Variants in PTPRD observed in about 807,000 individuals in gnomAD.
PTPRD encodes receptor-type tyrosine-protein phosphatase delta.
Under a neutral mutation model 214.5 loss-of-function variants are expected in PTPRD, and 34 were observed. The ratio of observed to expected loss-of-function variants is 0.16; its 90% CI spans 0.12 to 0.21. PTPRD has a LOEUF of 0.21. Ranked by LOEUF, PTPRD falls within the 10% of genes least tolerant of loss-of-function variation. The pLI, the probability that PTPRD is intolerant of heterozygous loss-of-function variation, is 1.00. For synonymous variants in PTPRD, 1,128 were observed against 845.7 expected (o/e 1.33, Z -5.79); for missense variants, 2,545 against 2,398.7 (o/e 1.06, Z -1.27).
At chr9:9,480,420 T>C (rs1268143630) in intron 8 of PTPRD, among the ~76,000 whole-genome samples, 1 of 152,108 alleles carries the variant, frequency 6.6e-6, no homozygotes, top group Non-Finnish European at 1.5e-5. Flanking sequence ...TATAAAAGAA[T>C]TTTCTTCCAG....
At chr9:10,192,868 T>C (rs1039808403) in intron 3 of PTPRD, among the ~76,000 whole-genome samples, 3 of 152,234 alleles carry the variant, frequency 2.0e-5, no homozygotes, top group Non-Finnish European at 4.4e-5. Flanking sequence ...TCTACACTTA[T>C]GATTCTAAGA....
intron 14 of PTPRD, among the ~76,000 whole-genome samples, chr9:8,590,352 G>A (rs2154263443): frequency 1.3e-5 from 2 of 152,186 alleles, no homozygotes; most frequent in South Asian, 2.1e-4. Context: ...GTCTTCCAAG[G>A]TATTTTATTT....
At chr9:9,899,547 G>C (rs917203557) in intron 5 of PTPRD, among the ~76,000 whole-genome samples, 1 of 151,986 alleles carries the variant, frequency 6.6e-6, no homozygotes, top group African/African-American at 2.4e-5. Flanking sequence ...AAAGATGAAA[G>C]ATAACCAGTG....
At chr9:9,422,104 GT>G (rs1569568183) in intron 8 of PTPRD, among the ~76,000 whole-genome samples, 1 of 152,114 alleles carries the variant, frequency 6.6e-6, no homozygotes, top group East Asian at 1.9e-4. Flanking sequence ...TTTTGAGTGT[GT>G]ACTGTGTGAT....
chr9:10,194,670 C>T (rs1387393195), intron 3 of PTPRD, among the ~76,000 whole-genome samples: 1 of 59,446 alleles, frequency 1.7e-5, no homozygotes. Flanking sequence ...AAAAATACTT[C>T]CCACACAATT....
intron 7 of PTPRD, among the ~76,000 whole-genome samples, chr9:9,617,408 G>T (rs1483569408): frequency 6.6e-6 from 1 of 152,164 alleles, no homozygotes; most frequent in Admixed American, 6.5e-5. Context: ...GACAATTAGA[G>T]TAAAGTATAT....
At chr9:9,331,936 T>C (rs958962114) in intron 9 of PTPRD, among the ~76,000 whole-genome samples, 1 of 152,064 alleles carries the variant, frequency 6.6e-6, no homozygotes, top group African/African-American at 2.4e-5. Context: ...GGAAAATTAA[T>C]GTGACCTAGA....
chr9:9,590,586 T>A (rs74319816), intron 7 of PTPRD, among the ~76,000 whole-genome samples: 5,044 of 152,108 alleles, frequency 0.033, 235 homozygotes, highest in African/African-American at 0.11. Flanking sequence ...ATGTAATTTT[T>A]AAAATAGAAA....
intron 10 of PTPRD, among the ~76,000 whole-genome samples, chr9:9,087,551 G>C (rs1303519244): frequency 6.6e-6 from 1 of 152,102 alleles, no homozygotes; most frequent in Non-Finnish European, 1.5e-5. Flanking sequence ...GAAACATACA[G>C]AGAAGTGATT....
At position 9,429,773 on chromosome 9, in the gene PTPRD, T is replaced by C. The variant is rs1420024219; in HGVS notation, c.-236-32291A>G. Among the ~76,000 whole-genome samples the C allele has an allele frequency of 3.3e-5, 5 of 152,004 alleles. No homozygotes were observed. The East Asian group carries it at 7.7e-4, about 23-fold the overall frequency. On this transcript the variant is annotated intron_variant, in intron 8 of 45. Coordinates refer to ENST00000381196, the MANE Select transcript of PTPRD (RefSeq NM_002839.4). ...TACATAAATCAATAAACATAATCCA[T>C]CATACGAACAGAACCCAAGACAAAA...
At chr9:8,787,116 A>G (rs562482155) in intron 11 of PTPRD, among the ~76,000 whole-genome samples, 2 of 152,250 alleles carry the variant, frequency 1.3e-5, no homozygotes, top group South Asian at 4.1e-4. Context: ...AATTACAGAC[A>G]TGAGCCACTA....
chr9:10,241,998 G>T (rs924163172), intron 3 of PTPRD, among the ~76,000 whole-genome samples: 1 of 151,846 alleles, frequency 6.6e-6, no homozygotes. Context: ...TAAACAACAC[G>T]CTGTTTTCAT....
chr9:9,261,117 C>G (rs1296203637), intron 9 of PTPRD, among the ~76,000 whole-genome samples: 1 of 151,756 alleles, frequency 6.6e-6, no homozygotes, highest in African/African-American at 2.4e-5. Context: ...ATCATACCAC[C>G]AACAAGGATG....
chr9:9,855,402 A>G (rs1369677160), intron 5 of PTPRD, among the ~76,000 whole-genome samples: 3 of 152,168 alleles, frequency 2.0e-5, no homozygotes, highest in Admixed American at 6.5e-5. Context: ...GGCTCTCTCT[A>G]CTTTGCCACA....
chr9:8,924,015 T>A (rs965686376), intron 11 of PTPRD, among the ~76,000 whole-genome samples: 1 of 152,210 alleles, frequency 6.6e-6, no homozygotes. Flanking sequence ...CCATTATCAT[T>A]TACAAAAAGA....
intron 11 of PTPRD, among the ~76,000 whole-genome samples, chr9:8,812,084 C>T (rs1054933179): frequency 5.3e-5 from 8 of 152,126 alleles, no homozygotes; most frequent in African/African-American, 1.9e-4. Flanking sequence ...GCTGCATGTT[C>T]CTATCCTACA....
chr9:10,010,900 A>C (rs982306603), intron 4 of PTPRD, among the ~76,000 whole-genome samples: 6 of 151,944 alleles, frequency 3.9e-5, no homozygotes, highest in Admixed American at 1.3e-4. Context: ...AAGAAAAAAA[A>C]ATCTAGGTAA....
intron 3 of PTPRD, among the ~76,000 whole-genome samples, chr9:10,131,434 A>G (rs1222066362): frequency 6.6e-6 from 1 of 152,162 alleles, no homozygotes; most frequent in Non-Finnish European, 1.5e-5. Context: ...CTTAACAAAT[A>G]TTGTTTATTA....
chr9:8,899,597 T>C lies in PTPRD; in HGVS notation c.-104+119100A>G, dbSNP rs913831387. Among the ~76,000 whole-genome samples the C allele has an allele frequency of 2.6e-5, 4 of 152,178 alleles. No homozygotes were observed. In the East Asian group the frequency reaches 5.8e-4, roughly 22 times the overall value. On this transcript the variant is annotated intron_variant, in intron 11 of 45. Transcript: ENST00000381196. ...CATCCTGCAAGTGGTAGCTGTTTCA[T>C]GGCAAGGAGCAGTTGTGGGAAGGTT...
Sources: allele counts gnomAD v4.1 joint callset (sites outside exome capture counted in the v4.1 genomes callset), GRCh38; gene constraint gnomAD v4.1.1; transcripts MANE v1.5; gene names NCBI Gene and HGNC (gene_info 2026-07-23, HGNC 2026-07-21).